SLC29A4: variants seen among roughly 807,000 people sequenced by gnomAD.
The protein encoded by SLC29A4 is equilibrative nucleoside transporter 4.
In SLC29A4, 36 loss-of-function variants were observed where a neutral mutation model predicts 43.9. The ratio of observed to expected loss-of-function variants is 0.82; its 90% CI spans 0.63 to 1.08. The LOEUF is 1.08. SLC29A4 is among the 50% of genes least tolerant of loss of function. The pLI is 0.00. For missense variants in SLC29A4, 869 were observed against 755.3 expected, an observed-to-expected ratio of 1.15 and a Z score of -1.77; for synonymous variants, 491 against 338.0, an observed-to-expected ratio of 1.45 and a Z score of -4.97.
chr7:5,299,474 G>T, intron 9 of SLC29A4, 47 bp downstream of exon 9: 1 of 1,576,748 alleles, frequency 6.3e-7, no homozygotes, highest in Non-Finnish European at 8.6e-7. Context: ...ATGGGGTGGG[G>T]GTGACAAGGG....
Position 5,302,813 on chromosome 7 carries a change from G to C in SLC29A4, c.1467G>C (p.Val489=). The C allele has an allele frequency of 6.4e-7, 1 of 1,563,572 alleles. No individual in the cohort carries two copies. The highest frequency in any genetic ancestry group is 2.4e-5 in the East Asian group (1 of 41,864). ...TGTCCACAGGGAACACCATGACCGT[G>C]TCCTACATGTCAGGGCTGACGCTGG... ...QRELAGNTMT[V]SYMSGLTLGS... Residue 489 remains valine (V), a synonymous_variant, in exon 11 of 11, where the codon GTG becomes GTC. Coordinates refer to ENST00000396872, the MANE Select transcript of SLC29A4 (RefSeq NM_153247.4).
intron 1 of SLC29A4, among the ~76,000 whole-genome samples, chr7:5,285,514 CCAGGCCCCCTTT>C (rs1784892369): frequency 6.6e-6 from 1 of 152,234 alleles, no homozygotes; most frequent in African/African-American, 2.4e-5. Flanking sequence ...CAGTGAGGCC[CCAGGCCCCCTTT>C]TAGGCCCCAG....
chr7:5,292,968 G>C (rs1057457008), intron 5 of SLC29A4, among the ~76,000 whole-genome samples: 3 of 150,406 alleles, frequency 2.0e-5, no homozygotes, highest in Non-Finnish European at 4.4e-5. Context: ...CAAAGTGCTG[G>C]TATTACAGGC....
At position 5,288,298 on chromosome 7, in the gene SLC29A4, C is replaced by CTTTTTTT. The variant is rs34436127; in HGVS notation, c.169+332_169+338dup. Among the ~76,000 whole-genome samples the CTTTTTTT allele has an allele frequency of 2.3e-3, 160 of 68,752 alleles. 12 individuals carry two copies. Among genetic ancestry groups the CTTTTTTT allele is most frequent in the Non-Finnish European group, 2.9e-3 (112 of 38,542 alleles). 45.1% of individuals were successfully genotyped at this position (68,752 alleles called of 152,430 possible). On this transcript the variant is annotated intron_variant, in intron 2 of 10. Coordinates refer to ENST00000396872, the MANE Select transcript of SLC29A4 (RefSeq NM_153247.4). ...GCTCATGCGCTGACCCGTACAGCTT[C>CTTTTTTT]TTTTTTTTTTTTTTTTTTTTTTTTT... is the stretch of plus-strand genomic sequence containing the variant.
chr7:5,302,726 C>T (rs1371767413), intron 10 of SLC29A4, 71 bp from the exon 11 acceptor site: 4 of 1,466,068 alleles, frequency 2.7e-6, no homozygotes, highest in East Asian at 5.0e-5. Flanking sequence ...CACCGCACCT[C>T]ACACCCGAGC....
At position 5,283,947 on chromosome 7, in the gene SLC29A4, C is replaced by T. The variant is rs145437000; in HGVS notation, c.-9+865C>T. On this transcript the variant is annotated intron_variant, in intron 1 of 10. Transcript: ENST00000396872. ...CCCGACGCCCAGCGCTTCCAGCTGC[C>T]CTGGGCCACTGTGCACTTCAGGCCC... 7.2e-3 allele frequency among the ~76,000 whole-genome samples: 1,089 copies of T among 152,186 alleles called. 18 individuals carry two copies. Among genetic ancestry groups the T allele is most frequent in the African/African-American group, 0.025 (1,030 of 41,534 alleles).
chr7:5,283,826 C>A (rs1303980011), intron 1 of SLC29A4, among the ~76,000 whole-genome samples: 1 of 152,214 alleles, frequency 6.6e-6, no homozygotes, highest in Non-Finnish European at 1.5e-5. Context: ...GAGTGCGAGC[C>A]CAGGCCCGCT....
rs1276755889 is a variant in SLC29A4, at chr7:5,302,942, C to T, written c.*3C>T. On this transcript the variant is annotated 3_prime_UTR_variant, in exon 11 of 11. Transcript: ENST00000396872. ...GTTCCATCCTCGCAGGCCTCTGAGC[C>T]AGCCCCGCCCACTGCCAGGGACGCC... 5 of 1,604,500 alleles carry T rather than the reference C, an allele frequency of 3.1e-6. No individual in the cohort carries two copies. Among genetic ancestry groups the T allele is most frequent in the Middle Eastern group, 2.1e-4 (1 of 4,714 alleles).
rs778596647 is a variant in SLC29A4 at position 5,300,607 on chromosome 7, C to T, written c.1395C>T (p.Ser465=). 8.7e-6 allele frequency: 14 copies of T among 1,610,572 alleles called. No individual in the cohort carries two copies. The highest frequency in any genetic ancestry group is 5.0e-5 in the Admixed American group (3 of 59,842). ...LMGISNGYFG[S]VPMILAAGKV... ...GCATCAGCAACGGCTACTTCGGCAG[C>T]GTGCCCATGATCCTGGCGGCAGGCA... is the stretch of plus-strand genomic sequence containing the variant. The change falls in exon 10 of 11, where the codon AGC becomes AGT. Residue 465 remains serine, a synonymous_variant. Transcript: ENST00000396872.
At chr7:5,294,165 T>C (rs1273336612) in intron 5 of SLC29A4, among the ~76,000 whole-genome samples, 2 of 152,014 alleles carry the variant, frequency 1.3e-5, no homozygotes, top group Non-Finnish European at 2.9e-5. Flanking sequence ...GGTCTTGAAC[T>C]CCTAGACTCA....
rs1009178027 is a variant in SLC29A4 at position 5,303,011 on chromosome 7, G to A, written c.*72G>A. On this transcript the variant is annotated 3_prime_UTR_variant, in exon 11 of 11. Coordinates refer to ENST00000396872, the MANE Select transcript of SLC29A4 (RefSeq NM_153247.4). ...CCCGAGGCCTGAGGGCCCCTCCCCT[G>A]TCCCCACCTCAGTGCCTGCGGGGCC... 3.3e-6 allele frequency: 5 copies of A among 1,528,100 alleles called. No individual in the cohort carries two copies. Among genetic ancestry groups the A allele is most frequent in the South Asian group, 1.2e-5 (1 of 84,120 alleles). 94.7% of individuals were successfully genotyped at this position (1,528,100 alleles called of 1,614,324 possible).
rs777860087 is a variant in SLC29A4 at position 5,287,879 on chromosome 7, C to T, written c.63C>T (p.Gly21=). The T allele has an allele frequency of 3.5e-5, 56 of 1,611,838 alleles. No individual in the cohort carries two copies. The highest frequency in any genetic ancestry group is 3.3e-4 in the East Asian group (15 of 44,888). Residue 21 remains glycine (G), a synonymous_variant, in exon 2 of 11, where the codon GGC becomes GGT. Coordinates refer to ENST00000396872, the MANE Select transcript of SLC29A4 (RefSeq NM_153247.4). ...GCGTGGCAGGCACACCAGACCCGGG[C>T]GTAGTGATGAGCTTCACCTTCGACA... The part of the protein sequence containing the change: ...EPSVAGTPDP[G]VVMSFTFDSH...
intron 7 of SLC29A4, among the ~76,000 whole-genome samples, chr7:5,297,437 G>T (rs1157132542): frequency 3.3e-5 from 5 of 152,324 alleles, no homozygotes; most frequent in East Asian, 3.9e-4. Flanking sequence ...CTGTGGTCCG[G>T]GGATCTGCCC....
In SLC29A4 at chr7:5,300,498, C is replaced by T; in HGVS notation, c.1286C>T (p.Pro429Leu). 3.1e-6 allele frequency: 5 copies of T among 1,612,008 alleles called. No individual in the cohort carries two copies. The highest frequency in any genetic ancestry group is 4.2e-6 in the Non-Finnish European group (5 of 1,179,776). ...TCCTGCCTGCGTGTGGTCTTCATCC[C>T]CCTCTTCATCCTGTGCGTCTACCCC... Reference protein sequence around the residue: ...ACSCLRVVFIPLFILCVYPSG... With the variant: ...ACSCLRVVFILLFILCVYPSG... The change falls in exon 10 of 11, where the codon CCC becomes CTC. Residue 429 changes from proline (P) to leucine (L), a missense_variant. Transcript: ENST00000396872.
At position 5,302,974 on chromosome 7, in the gene SLC29A4, C is replaced by T; in HGVS notation, c.*35C>T. ...GCCCACTGCCAGGGACGCCGAGGGC[C>T]TGACCAGGGGCCCCGAGGCCTGAGG... On this transcript the variant is annotated 3_prime_UTR_variant, in exon 11 of 11. Transcript: ENST00000396872. 6 of 1,589,890 alleles carry T rather than the reference C, an allele frequency of 3.8e-6. No individual in the cohort carries two copies. The highest frequency in any genetic ancestry group is 5.1e-6 in the Non-Finnish European group (6 of 1,170,246).
At chr7:5,283,969 GC>G (rs1170674504) in intron 1 of SLC29A4, among the ~76,000 whole-genome samples, 1 of 151,784 alleles carries the variant, frequency 6.6e-6, no homozygotes, top group Non-Finnish European at 1.5e-5. Flanking sequence ...TGCACTTCAG[GC>G]CCAGTGGAAA....
chr7:5,298,422 C>T lies in SLC29A4; in HGVS notation c.883-566C>T, dbSNP rs116179936. On this transcript the variant is annotated intron_variant, in intron 7 of 10. Coordinates refer to ENST00000396872, the MANE Select transcript of SLC29A4 (RefSeq NM_153247.4). ...GAAAAGCAGAGAGGTCATAGGGGAC[C>T]AGATGCTCTGGTTGGTTTGGTCAGA... is the stretch of plus-strand genomic sequence containing the variant. Among the ~76,000 whole-genome samples the T allele has an allele frequency of 3.3e-3, 500 of 152,172 alleles. 5 individuals are homozygous for T. The highest frequency in any genetic ancestry group is 0.01 in the African/African-American group (434 of 41,510).
chr7:5,287,844 G>A lies in SLC29A4; in HGVS notation c.28G>A (p.Glu10Lys), dbSNP rs1383848168. 6.2e-7 allele frequency: 1 copy of A among 1,611,762 alleles called. No individual in the cohort carries two copies. The highest frequency in any genetic ancestry group is 8.5e-7 in the Non-Finnish European group (1 of 1,179,810). The change falls in exon 2 of 11, where the codon GAG (glutamate) becomes AAG (lysine). Residue 10 changes from glutamate (E) to lysine (K), a missense_variant. Coordinates refer to ENST00000396872, the MANE Select transcript of SLC29A4 (RefSeq NM_153247.4). MGSVGSQRL[E>K]EPSVAGTPDP... is the part of the protein sequence containing the mutation. ...GGGCTCCGTGGGGAGCCAGCGCCTT[G>A]AGGAGCCCAGCGTGGCAGGCACACC...
intron 1 of SLC29A4, among the ~76,000 whole-genome samples, chr7:5,283,868 C>T (rs1489733213): frequency 6.6e-6 from 1 of 152,178 alleles, no homozygotes; most frequent in African/African-American, 2.4e-5. Context: ...CCTGGTCCTT[C>T]CTGGCTGGCC....
Sources: allele counts gnomAD v4.1 joint callset (sites outside exome capture counted in the v4.1 genomes callset), GRCh38; gene constraint gnomAD v4.1.1; transcripts MANE v1.5; gene names NCBI Gene and HGNC (gene_info 2026-07-23, HGNC 2026-07-21).